PLCG1: variants seen among roughly 807,000 people sequenced by gnomAD.
PLCG1 encodes the protein phospholipase C gamma 1.
A neutral mutation model predicts 177.8 loss-of-function variants in PLCG1; 71 were observed. That is an observed-to-expected ratio of 0.40 (90% CI 0.33 to 0.49). PLCG1 has a LOEUF of 0.49. Ranked by LOEUF, PLCG1 falls within the 20% of genes least tolerant of loss-of-function variation. The pLI is 0.72. For missense variants in PLCG1, 1,281 were observed against 1,709.0 expected, an observed-to-expected ratio of 0.75 and a Z score of 4.42; for synonymous variants, 658 against 647.9, an observed-to-expected ratio of 1.02 and a Z score of -0.24.
intron 4 of PLCG1, among the ~76,000 whole-genome samples, chr20:41,161,760 C>G (rs1299705778): frequency 6.6e-6 from 1 of 151,800 alleles, no homozygotes; most frequent in African/African-American, 2.4e-5. Context: ...GAAAGCCCCC[C>G]CCTTCCCCCT....
chr20:41,167,644 T>G lies in PLCG1; in HGVS notation c.2302-208T>G. 1 of 581,110 alleles carries G rather than the reference T, an allele frequency of 1.7e-6. No homozygotes were observed. The highest frequency in any genetic ancestry group is 3.1e-6 in the Non-Finnish European group (1 of 325,822). 36.0% of individuals were successfully genotyped at this position (581,110 alleles called of 1,614,324 possible). ...AGATTTTAGAATCCTGGGCTGGGCC[T>G]TACATGTAAGAATGTGAAGAAAGGA... On this transcript the variant is annotated intron_variant, in intron 19 of 31. Coordinates refer to ENST00000685551, the MANE Select transcript of PLCG1 (RefSeq NM_002660.3). The surrounding 1 kb of genome is among the most constrained non-coding windows in gnomAD (Gnocchi z 4.4).
Position 41,166,980 on chromosome 20 carries a change from C to T in PLCG1, c.2301+121C>T. The T allele has an allele frequency of 1.1e-6, 1 of 917,450 alleles. No homozygotes were observed. The highest frequency in any genetic ancestry group is 1.7e-6 in the Non-Finnish European group (1 of 582,046). 56.8% of individuals were successfully genotyped at this position (917,450 alleles called of 1,614,324 possible). A position where few individuals can be genotyped will look rare whatever the true frequency, so the allele number is the denominator to read the frequency against. On this transcript the variant is annotated intron_variant, in intron 19 of 31. Coordinates refer to ENST00000685551, the MANE Select transcript of PLCG1 (RefSeq NM_002660.3). This position sits in a 1 kb window ranked among gnomAD's most constrained non-coding sequence, Gnocchi z 8.6. The stretch of plus-strand genomic sequence containing the variant: ...TGTTGTAGAAGTTCGTGGGAGGGCC[C>T]CTGACTCCAGCTGGGAGCCACAGTG...
At chr20:41,141,224 G>A (rs2034815107) in intron 1 of PLCG1, among the ~76,000 whole-genome samples, 1 of 152,202 alleles carries the variant, frequency 6.6e-6, no homozygotes, top group Non-Finnish European at 1.5e-5. Context: ...GCATGTCCAT[G>A]GGGACTTCTG....
Position 41,156,540 on chromosome 20 carries a change from G to C in PLCG1, c.218-3066G>C, listed in dbSNP as rs995019879. Among the ~76,000 whole-genome samples, 2 of 152,160 alleles carry C rather than the reference G, an allele frequency of 1.3e-5. No homozygotes were observed. Among genetic ancestry groups the C allele is most frequent in the African/African-American group, 4.8e-5 (2 of 41,436 alleles). On this transcript the variant is annotated intron_variant, in intron 1 of 31. Coordinates refer to ENST00000685551, the MANE Select transcript of PLCG1 (RefSeq NM_002660.3). This position sits in a 1 kb window ranked among gnomAD's most constrained non-coding sequence, Gnocchi z 5.0. The stretch of plus-strand genomic sequence containing the variant: ...GTGGGATCCTGCCCTTGTTCTCAAA[G>C]AGTTCCTCCTTCTCACTGCCCCATC...
rs2035365730 is a variant in PLCG1 at position 41,157,663 on chromosome 20, G to A, written c.218-1943G>A. The stretch of plus-strand genomic sequence containing the variant: ...TAGTACCACAGGAAGGAGCTTCTCA[G>A]TTGGGCCCTTGGTGGAAGAGAAGGG... On this transcript the variant is annotated intron_variant, in intron 1 of 31. Transcript: ENST00000685551. The surrounding 1 kb of genome is among the most constrained non-coding windows in gnomAD (Gnocchi z 5.4). 6.6e-6 allele frequency among the ~76,000 whole-genome samples: 1 copy of A among 152,202 alleles called. No individual in the cohort carries two copies. Among genetic ancestry groups the A allele is most frequent in the South Asian group, 2.1e-4 (1 of 4,826 alleles).
Position 41,177,467 on chromosome 20 carries a change from C to G in PLCG1, c.*2958C>G, listed in dbSNP as rs894360046. The G allele has an allele frequency of 2.0e-5, 3 of 152,248 alleles. No homozygotes were observed. Among genetic ancestry groups the G allele is most frequent in the Admixed American group, 6.5e-5 (1 of 15,286 alleles). The allele number at this position is 152,248 out of a possible 1,614,324, so 9.4% of individuals were successfully genotyped here. A position where few individuals can be genotyped will look rare whatever the true frequency, so the allele number is the denominator to read the frequency against. On this transcript the variant is annotated 3_prime_UTR_variant, in exon 32 of 32. Coordinates refer to ENST00000685551, the MANE Select transcript of PLCG1 (RefSeq NM_002660.3). ...TGAGAGCTTGAACATCACTAAGGAC[C>G]TAGACACTCACTTGTCTTTCAACTT...
Position 41,148,701 on chromosome 20 carries a change from TCAGA to T in PLCG1, c.217+10847_217+10850del, listed in dbSNP as rs1431697866. ...GTTTACGCTCTAGTGGAGAAAACAA[TCAGA>T]CAGCCTTAAAATACATGTATGGCTA... On this transcript the variant is annotated intron_variant, in intron 1 of 31. Coordinates refer to ENST00000685551, the MANE Select transcript of PLCG1 (RefSeq NM_002660.3). The surrounding 1 kb of genome is among the most constrained non-coding windows in gnomAD (Gnocchi z 4.3). Among the ~76,000 whole-genome samples the T allele has an allele frequency of 6.6e-6, 1 of 152,148 alleles. No homozygotes were observed. The highest frequency in any genetic ancestry group is 1.5e-5 in the Non-Finnish European group (1 of 68,034).
rs1187284056 is a variant in PLCG1 at position 41,156,702 on chromosome 20, A to G, written c.218-2904A>G. Among the ~76,000 whole-genome samples the G allele has an allele frequency of 1.3e-5, 2 of 151,336 alleles. No homozygotes were observed. The highest frequency in any genetic ancestry group is 6.6e-5 in the Admixed American group (1 of 15,222). On this transcript the variant is annotated intron_variant, in intron 1 of 31. Coordinates refer to ENST00000685551, the MANE Select transcript of PLCG1 (RefSeq NM_002660.3). This position sits in a 1 kb window ranked among gnomAD's most constrained non-coding sequence, Gnocchi z 5.0. ...TTTGGGTATAACGTGTGACTTTCCT[A>G]CTCCCCTAAGTAGTTCTCCCCTTCT...
rs1231040166 is a variant in PLCG1, at chr20:41,169,102, A to G, written c.2507A>G (p.Lys836Arg). 3 of 1,613,856 alleles carry G rather than the reference A, an allele frequency of 1.9e-6. No homozygotes were observed. In the East Asian group the frequency reaches 6.7e-5, roughly 36 times the overall value. ...GGWWRGDYGG[K>R]KQLWFPSNYV... ...AGGTGGCGAGGGGACTACGGAGGGAAGAAGCAGCTGTGGTTCCCATCAAAC... is the reference window on the plus strand; with the variant it reads ...AGGTGGCGAGGGGACTACGGAGGGAGGAAGCAGCTGTGGTTCCCATCAAAC... Residue 836 changes from lysine (K) to arginine (R), a missense_variant, in exon 22 of 32, where the codon AAG (lysine) becomes AGG (arginine). Lys to Arg is a conservative substitution (Grantham distance 26, BLOSUM62 2). Transcript: ENST00000685551.
Position 41,168,288 on chromosome 20 carries a change from T to TA in PLCG1, c.2379+364dup, listed in dbSNP as rs1470604930. 5.9e-5 allele frequency among the ~76,000 whole-genome samples: 9 copies of TA among 152,282 alleles called. No individual in the cohort carries two copies. The East Asian group carries it at 1.7e-3, about 29-fold the overall frequency. Reference sequence around the variant, plus strand: ...TTCTTTTTTGTTTTGCCTTTTTCTCTAAAAAGGCCTGGGCCCTATTTCTCA... The same window carrying TA: ...TTCTTTTTTGTTTTGCCTTTTTCTCTAAAAAAGGCCTGGGCCCTATTTCTCA... On this transcript the variant is annotated intron_variant, in intron 20 of 31. Transcript: ENST00000685551.
rs574895332 is a variant in PLCG1, at chr20:41,147,077, A to C, written c.217+9219A>C. ...TGAAGACCCACTTTATGGTCACCCTATTCTGCCTGATAGTCCACCACCTGT... is the reference window on the plus strand; with the variant it reads ...TGAAGACCCACTTTATGGTCACCCTCTTCTGCCTGATAGTCCACCACCTGT... On this transcript the variant is annotated intron_variant, in intron 1 of 31. Coordinates refer to ENST00000685551, the MANE Select transcript of PLCG1 (RefSeq NM_002660.3). This position sits in a 1 kb window ranked among gnomAD's most constrained non-coding sequence, Gnocchi z 4.0. Among the ~76,000 whole-genome samples the C allele has an allele frequency of 6.6e-6, 1 of 152,104 alleles. No individual in the cohort carries two copies. Among genetic ancestry groups the C allele is most frequent in the Admixed American group, 6.5e-5 (1 of 15,276 alleles).
In PLCG1 at chr20:41,175,678, C is replaced by T. The variant is rs2146070338; in HGVS notation, c.*1169C>T. On this transcript the variant is annotated 3_prime_UTR_variant, in exon 32 of 32. Transcript: ENST00000685551. Reference sequence around the variant, plus strand: ...GGCCATTTGCTAGTTCTGCTGCCCTCTTAAGATCTGACTGCCAAATAAATC... The same window carrying T: ...GGCCATTTGCTAGTTCTGCTGCCCTTTTAAGATCTGACTGCCAAATAAATC... 6.5e-6 allele frequency: 1 copy of T among 152,784 alleles called. No homozygotes were observed. Among genetic ancestry groups the T allele is most frequent in the East Asian group, 1.9e-4 (1 of 5,190 alleles). The allele number at this position is 152,784 out of a possible 1,614,324, so 9.5% of individuals were successfully genotyped here. A position where few individuals can be genotyped will look rare whatever the true frequency, so the allele number is the denominator to read the frequency against.
In PLCG1 at chr20:41,174,144, TC is replaced by T; in HGVS notation, c.3669del (p.Phe1224SerfsTer113). On this transcript the variant is annotated frameshift_variant, in exon 31 of 32. Coordinates refer to ENST00000685551, the MANE Select transcript of PLCG1 (RefSeq NM_002660.3). LOFTEE classifies it high-confidence loss of function. This position sits in a 1 kb window ranked among gnomAD's most constrained non-coding sequence, Gnocchi z 5.8. ...PAKQENGDLS[P>X]FSGTSLRERG... Reference sequence around the variant, plus strand: ...TGAAGCAGGAGAATGGTGACCTCAGTCCCTTCAGTGGTACGTCCCTGCGGGA... The same window carrying T: ...TGAAGCAGGAGAATGGTGACCTCAGTCCTTCAGTGGTACGTCCCTGCGGGA... 6.2e-7 allele frequency: 1 copy of T among 1,613,858 alleles called. No homozygotes were observed. The highest frequency in any genetic ancestry group is 1.1e-5 in the South Asian group (1 of 91,082).
rs773685276 is a variant in PLCG1, at chr20:41,163,306, G to A, written c.789+31G>A. 1.9e-6 allele frequency: 3 copies of A among 1,590,396 alleles called. No homozygotes were observed. The highest frequency in any genetic ancestry group is 4.5e-5 in the East Asian group (2 of 44,644). On this transcript the variant is annotated intron_variant, in intron 8 of 31. Transcript: ENST00000685551. This position sits in a 1 kb window ranked among gnomAD's most constrained non-coding sequence, Gnocchi z 5.2. ...GCTGGGCTGACATTGGCCCAGGCTG[G>A]TAGGTTGTGGGGGGCTGGGCTCATC...
chr20:41,160,276 G>C lies in PLCG1; in HGVS notation c.512+123G>C, dbSNP rs1427947329. ...CAGGGGACCTTAAGTGGGGCCAGGAGGGTGGGCAGAAGGTTCTGCCACGTG... is the reference window on the plus strand; with the variant it reads ...CAGGGGACCTTAAGTGGGGCCAGGACGGTGGGCAGAAGGTTCTGCCACGTG... On this transcript the variant is annotated intron_variant, in intron 4 of 31. Coordinates refer to ENST00000685551, the MANE Select transcript of PLCG1 (RefSeq NM_002660.3). The surrounding 1 kb of genome is among the most constrained non-coding windows in gnomAD (Gnocchi z 5.5). 1.2e-6 allele frequency: 1 copy of C among 851,266 alleles called. No homozygotes were observed. Among genetic ancestry groups the C allele is most frequent in the Non-Finnish European group, 2.0e-6 (1 of 511,780 alleles). 52.7% of individuals were successfully genotyped at this position (851,266 alleles called of 1,614,324 possible). A position where few individuals can be genotyped will look rare whatever the true frequency, so the allele number is the denominator to read the frequency against.
rs1007781235 is a variant in PLCG1 at position 41,146,883 on chromosome 20, G to A, written c.217+9025G>A. Among the ~76,000 whole-genome samples the A allele has an allele frequency of 5.3e-5, 8 of 152,110 alleles. No individual in the cohort carries two copies. The highest frequency in any genetic ancestry group is 1.9e-4 in the African/African-American group (8 of 41,416). Reference sequence around the variant, plus strand: ...AGAGAGTGTGGGCCTGAGTTCACAGGGTGACTAACCCTAGGAAGGAGTGAA... The same window carrying A: ...AGAGAGTGTGGGCCTGAGTTCACAGAGTGACTAACCCTAGGAAGGAGTGAA... On this transcript the variant is annotated intron_variant, in intron 1 of 31. Transcript: ENST00000685551. This position sits in a 1 kb window ranked among gnomAD's most constrained non-coding sequence, Gnocchi z 6.3.
intron 1 of PLCG1, among the ~76,000 whole-genome samples, chr20:41,139,807 G>A (rs911750069): frequency 2.6e-5 from 4 of 152,206 alleles, no homozygotes; most frequent in Non-Finnish European, 5.9e-5. Context: ...AGGAAGGGAG[G>A]AGGACGGTGA....
intron 4 of PLCG1, 35 bp from the exon 5 acceptor site, chr20:41,162,417 G>A: frequency 1.3e-6 from 2 of 1,537,506 alleles, no homozygotes; most frequent in Non-Finnish European, 1.8e-6. Flanking sequence ...ATGAGAAGCT[G>A]GATGAGACCA....
chr20:41,137,613 G>T lies in PLCG1; in HGVS notation c.-29G>T. ...GCTTGCTCCCGGGCGGTCCTGGCCT[G>T]TGCCGCCGCCGCCCCCAGCGTCGGA... On this transcript the variant is annotated 5_prime_UTR_variant, in exon 1 of 32. Coordinates refer to ENST00000685551, the MANE Select transcript of PLCG1 (RefSeq NM_002660.3). The surrounding 1 kb of genome is among the most constrained non-coding windows in gnomAD (Gnocchi z 7.3). The T allele has an allele frequency of 1.5e-6, 2 of 1,303,266 alleles. No individual in the cohort carries two copies. Among genetic ancestry groups the T allele is most frequent in the Non-Finnish European group, 2.0e-6 (2 of 1,021,462 alleles). 80.7% of individuals were successfully genotyped at this position (1,303,266 alleles called of 1,614,324 possible). A position where few individuals can be genotyped will look rare whatever the true frequency, so the allele number is the denominator to read the frequency against.
Sources: gnomAD v4.1 joint callset for allele counts (sites outside exome capture counted in the v4.1 genomes callset) on GRCh38, gnomAD v4.1.1 for gene constraint, Gnocchi (gnomAD v3.1) non-coding constraint, MANE v1.5 for transcripts, NCBI Gene and HGNC (gene_info 2026-07-23, HGNC 2026-07-21) for gene names.